The following SAMD4A variants were observed in gnomAD, a reference collection of about 807,000 sequenced individuals.
SAMD4A encodes protein Smaug homolog 1.
In SAMD4A, 33 loss-of-function variants were observed where a neutral mutation model predicts 81.3. That is an observed-to-expected ratio of 0.41 (90% CI 0.31 to 0.54). The LOEUF is 0.54. Among genes scored for constraint, SAMD4A ranks in the 20% least tolerant of loss-of-function variants. The probability of loss-of-function intolerance (pLI) is 0.37; values close to 1 mark genes in which losing one functional copy is unlikely to be tolerated. For synonymous variants in SAMD4A, 389 were observed against 382.1 expected (o/e 1.02, Z -0.21); for missense variants, 854 against 951.1 (o/e 0.90, Z 1.34).
chr14:54,599,989 A>G (rs1029669235), intron 2 of SAMD4A, among the ~76,000 whole-genome samples: 1 of 152,220 alleles, frequency 6.6e-6, no homozygotes, highest in Non-Finnish European at 1.5e-5. Flanking sequence ...TCCTGTATAC[A>G]CCCAGATCAT....
intron 11 of SAMD4A, among the ~76,000 whole-genome samples, chr14:54,779,029 T>C (rs2038932816): frequency 6.6e-6 from 1 of 152,212 alleles, no homozygotes; most frequent in Non-Finnish European, 1.5e-5. Context: ...ACGACACCTC[T>C]GACCTCCAAG....
rs544957412 is a variant in SAMD4A at position 54,569,034 on chromosome 14, G to C, written c.196+922G>C. ...GTAGGAGGAGGCTGGGGGATGGGGGGAAAGTCTGATGGTTGTGATTTTGGA... is the reference window on the plus strand; with the variant it reads ...GTAGGAGGAGGCTGGGGGATGGGGGCAAAGTCTGATGGTTGTGATTTTGGA... On this transcript the variant is annotated intron_variant, in intron 2 of 12. Coordinates refer to ENST00000554335, the MANE Select transcript of SAMD4A (RefSeq NM_015589.6). 2.0e-5 allele frequency among the ~76,000 whole-genome samples: 3 copies of C among 152,064 alleles called. No individual in the cohort carries two copies. In the East Asian group the frequency reaches 5.8e-4, roughly 29 times the overall value.
intron 2 of SAMD4A, among the ~76,000 whole-genome samples, chr14:54,580,989 CCA>C (rs1366916009): frequency 6.6e-6 from 1 of 152,160 alleles, no homozygotes; most frequent in Admixed American, 6.5e-5. Context: ...CACGCTGTTA[CCA>C]AGATACATGT....
chr14:54,636,972 A>G (rs1744646585), intron 2 of SAMD4A, among the ~76,000 whole-genome samples: 1 of 152,192 alleles, frequency 6.6e-6, no homozygotes, highest in Admixed American at 6.5e-5. Context: ...TTTACTTTAA[A>G]TACCAACTAT....
chr14:54,645,031 T>C (rs531852272), intron 2 of SAMD4A, among the ~76,000 whole-genome samples: 53 of 152,240 alleles, frequency 3.5e-4, no homozygotes, highest in Non-Finnish European at 6.9e-4. Context: ...ACATTCAGTG[T>C]GATGTGTACC....
intron 11 of SAMD4A, among the ~76,000 whole-genome samples, chr14:54,777,858 C>G (rs961702296): frequency 6.6e-6 from 1 of 152,264 alleles, no homozygotes; most frequent in South Asian, 2.1e-4. Flanking sequence ...TATTTATGCA[C>G]CAAAATATAA....
intron 2 of SAMD4A, among the ~76,000 whole-genome samples, chr14:54,598,099 G>T (rs2033960464): frequency 6.6e-6 from 1 of 152,208 alleles, no homozygotes; most frequent in Non-Finnish European, 1.5e-5. Context: ...CACAGTCTGA[G>T]CATTTGTTAG....
chr14:54,750,397 G>GT (rs1214730113), intron 5 of SAMD4A, among the ~76,000 whole-genome samples: 3 of 152,200 alleles, frequency 2.0e-5, no homozygotes, highest in Non-Finnish European at 4.4e-5. Context: ...GTTGCAAGAT[G>GT]TTTGAGTTAG....
chr14:54,760,243 C>T lies in SAMD4A; in HGVS notation c.1259C>T (p.Ser420Phe), dbSNP rs1334198363. The T allele has an allele frequency of 1.2e-6, 2 of 1,613,302 alleles. No individual in the cohort carries two copies. The highest frequency in any genetic ancestry group is 1.7e-6 in the Non-Finnish European group (2 of 1,179,914). Residue 420 changes from serine (S) to phenylalanine (F), a missense_variant, in exon 7 of 13, where the codon TCC becomes TTC. By Grantham distance (155) the Ser-to-Phe change is radical. This residue lies in a region of SAMD4A where 428 missense variants were observed against 471.2 expected (regional missense o/e 0.91). Transcript: ENST00000554335. ...MILTPIKAYSSPSTTPEARRR... is the reference protein window; with the variant it reads ...MILTPIKAYSFPSTTPEARRR... ...CTGACTCCGATCAAGGCCTACAGCTCCCCGAGCACCACCCCCGAGGCTCGC... is the reference window on the plus strand; with the variant it reads ...CTGACTCCGATCAAGGCCTACAGCTTCCCGAGCACCACCCCCGAGGCTCGC...
At chr14:54,774,885 G>C (rs2038800360) in intron 9 of SAMD4A, 49 bp from the exon 10 acceptor site, 1 of 1,592,280 alleles carries the variant, frequency 6.3e-7, no homozygotes, top group East Asian at 2.2e-5. Flanking sequence ...GGCTTAAAAA[G>C]GGCTGAATAA....
chr14:54,649,969 T>G (rs2035368534), intron 2 of SAMD4A, among the ~76,000 whole-genome samples: 1 of 152,192 alleles, frequency 6.6e-6, no homozygotes. Flanking sequence ...AATGTTTACT[T>G]TTAAAAAAAC....
chr14:54,737,472 C>T (rs944525471), intron 4 of SAMD4A, among the ~76,000 whole-genome samples, 185 bp downstream of exon 4: 1 of 151,712 alleles, frequency 6.6e-6, no homozygotes, highest in Non-Finnish European at 1.5e-5. Flanking sequence ...ATTCCCCTTC[C>T]AGTGCTTCTT....
At chr14:54,732,698 C>G (rs1332913598) in intron 3 of SAMD4A, among the ~76,000 whole-genome samples, 1 of 152,074 alleles carries the variant, frequency 6.6e-6, no homozygotes, top group Non-Finnish European at 1.5e-5. Flanking sequence ...GTTATCTGGA[C>G]TATTTGCTTA....
At chr14:54,785,035 A>T (rs1226396473) in intron 12 of SAMD4A, among the ~76,000 whole-genome samples, 1 of 152,200 alleles carries the variant, frequency 6.6e-6, no homozygotes, top group Non-Finnish European at 1.5e-5. Flanking sequence ...TCTGCACTAG[A>T]TCCCCCAGCC....
intron 6 of SAMD4A, among the ~76,000 whole-genome samples, chr14:54,758,502 T>A (rs1361970613): frequency 1.3e-5 from 2 of 152,244 alleles, no homozygotes; most frequent in Admixed American, 6.5e-5. Context: ...TCAGGCTTTT[T>A]AAAATGTCCT....
upstream of SAMD4A, among the ~76,000 whole-genome samples, chr14:54,566,546 G>C (rs995621074): frequency 4.1e-4 from 63 of 151,872 alleles, 1 homozygote; most frequent in Non-Finnish European, 7.7e-4. Context: ...TGCTGTCGTT[G>C]GGGGGCGTGT....
At chr14:54,768,685 A>G (rs564848310) in intron 8 of SAMD4A, among the ~76,000 whole-genome samples, 2 of 152,350 alleles carry the variant, frequency 1.3e-5, no homozygotes, top group South Asian at 2.1e-4. Context: ...TGCAGGGAGC[A>G]TCACCAACCA....
In SAMD4A at chr14:54,630,908, ATGTGTGTGTGTGTGTGTGTGTG is replaced by A. The variant is rs5808786; in HGVS notation, c.196+62823_196+62844del. Among the ~76,000 whole-genome samples, 22 of 144,380 alleles carry A rather than the reference ATGTGTGTGTGTGTGTGTGTGTG, an allele frequency of 1.5e-4. No homozygotes were observed. The South Asian group carries it at 4.4e-3, about 29-fold the overall frequency. The allele number at this position is 144,380 out of a possible 152,430, so 94.7% of individuals were successfully genotyped here. On this transcript the variant is annotated intron_variant, in intron 2 of 12. Transcript: ENST00000554335. ...ACATATAATAAATCTTGTATTTTAT[ATGTGTGTGTGTGTGTGTGTGTG>A]TGTGTGTGTGTGTGTGTGTGTGTGT...
intron 2 of SAMD4A, among the ~76,000 whole-genome samples, chr14:54,621,218 T>C (rs1395569442): frequency 6.6e-6 from 1 of 152,206 alleles, no homozygotes; most frequent in East Asian, 1.9e-4. Context: ...AATTCAAACA[T>C]GACAATCAGA....
Sources: allele counts gnomAD v4.1 joint callset (sites outside exome capture counted in the v4.1 genomes callset), GRCh38; gene constraint gnomAD v4.1.1; regional missense constraint gnomAD v4.1.1; transcripts MANE v1.5; gene names NCBI Gene and HGNC (gene_info 2026-07-23, HGNC 2026-07-21).